CNTN4: variants seen among roughly 807,000 people sequenced by gnomAD.
CNTN4 encodes contactin-4.
A neutral mutation model predicts 122.5 loss-of-function variants in CNTN4; 77 were observed. The ratio of observed to expected loss-of-function variants is 0.63; its 90% CI spans 0.52 to 0.76. CNTN4 has a LOEUF of 0.76. Among genes scored for constraint, CNTN4 ranks in the 30% least tolerant of loss-of-function variants. The pLI is 0.00. For synonymous variants in CNTN4, 512 were observed against 447.0 expected, an observed-to-expected ratio of 1.15 and a Z score of -1.83; for missense variants, 1,256 against 1,259.1, an observed-to-expected ratio of 1.00 and a Z score of 0.04.
At chr3:2,910,813 G>A (rs187028946) in intron 12 of CNTN4, among the ~76,000 whole-genome samples, 2 of 152,196 alleles carry the variant, frequency 1.3e-5, no homozygotes, top group African/African-American at 4.8e-5. Flanking sequence ...AGATTTGGTA[G>A]TGGGGGGTGA....
intron 3 of CNTN4, among the ~76,000 whole-genome samples, chr3:2,525,890 A>G (rs911838138): frequency 3.9e-5 from 6 of 152,146 alleles, no homozygotes; most frequent in South Asian, 2.1e-4. Flanking sequence ...GCACAAACAC[A>G]TGCTTACATT....
chr3:2,144,139 C>T (rs1231610324), intron 2 of CNTN4: 1 of 152,216 alleles, frequency 6.6e-6, no homozygotes, highest in African/African-American at 2.4e-5. Context: ...CCTAGTAAGC[C>T]TTCATGATTT....
intron 14 of CNTN4, among the ~76,000 whole-genome samples, chr3:3,012,260 C>T (rs1388643460): frequency 6.6e-6 from 1 of 152,038 alleles, no homozygotes; most frequent in Non-Finnish European, 1.5e-5. Context: ...CTTAGGATGT[C>T]TGTATTCAAC....
rs11920024 is a variant in CNTN4 at position 2,129,711 on chromosome 3, C to A, written c.-145+29072C>A. On this transcript the variant is annotated intron_variant, in intron 2 of 24. Coordinates refer to ENST00000418658, the MANE Select transcript of CNTN4 (RefSeq NM_175607.3). Reference sequence around the variant, plus strand: ...ATTTTTTTTTGCATCTTCTGCTTGGCAGTTAACTTCATGACCTTGAACAAC... The same window carrying A: ...ATTTTTTTTTGCATCTTCTGCTTGGAAGTTAACTTCATGACCTTGAACAAC... Among the ~76,000 whole-genome samples, 1,069 of 151,642 alleles carry A rather than the reference C, an allele frequency of 7.0e-3. 17 individuals are homozygous for A. Among genetic ancestry groups the A allele is most frequent in the African/African-American group, 0.024 (1,007 of 41,358 alleles).
chr3:2,413,565 A>G (rs551390291), intron 3 of CNTN4, among the ~76,000 whole-genome samples: 1 of 150,592 alleles, frequency 6.6e-6, no homozygotes, highest in South Asian at 2.1e-4. Flanking sequence ...TTTTTTTGAG[A>G]CGGAGTCTCC....
At chr3:2,860,944 CA>C (rs1299049717) in intron 7 of CNTN4, among the ~76,000 whole-genome samples, 2 of 152,100 alleles carry the variant, frequency 1.3e-5, no homozygotes, top group Non-Finnish European at 1.5e-5. Context: ...CTTACTTTCT[CA>C]GGGAAATTTT....
At chr3:2,913,198 G>A (rs559842408) in intron 12 of CNTN4, among the ~76,000 whole-genome samples, 5 of 152,134 alleles carry the variant, frequency 3.3e-5, no homozygotes, top group African/African-American at 4.8e-5. Context: ...AATAAAAATC[G>A]AGGAATAAAA....
At chr3:2,325,900 A>C (rs972265267) in intron 2 of CNTN4, among the ~76,000 whole-genome samples, 7 of 152,222 alleles carry the variant, frequency 4.6e-5, no homozygotes, top group African/African-American at 1.7e-4. Context: ...TATCAACAAA[A>C]GTGATACTTA....
At chr3:2,182,227 C>G (rs2037045660) in intron 2 of CNTN4, among the ~76,000 whole-genome samples, 1 of 151,906 alleles carries the variant, frequency 6.6e-6, no homozygotes, top group African/African-American at 2.4e-5. Context: ...CTGTGCCTTG[C>G]TTTTTCTTTA....
chr3:2,299,731 A>G (rs1559429257), intron 2 of CNTN4, among the ~76,000 whole-genome samples: 1 of 152,140 alleles, frequency 6.6e-6, no homozygotes, highest in Non-Finnish European at 1.5e-5. Flanking sequence ...TAAAAACTTG[A>G]TTTACATGAT....
At chr3:2,672,490 C>T (rs534559628) in intron 4 of CNTN4, among the ~76,000 whole-genome samples, 5 of 152,246 alleles carry the variant, frequency 3.3e-5, no homozygotes, top group African/African-American at 4.8e-5. Flanking sequence ...GGGAGTGACC[C>T]GATTTTCCAG....
intron 7 of CNTN4, among the ~76,000 whole-genome samples, chr3:2,826,309 G>C (rs2092988162): frequency 6.6e-6 from 1 of 152,116 alleles, no homozygotes; most frequent in Non-Finnish European, 1.5e-5. Flanking sequence ...TGGAAAACTT[G>C]AGTCCCTGCA....
At chr3:2,308,966 T>C (rs1488675721) in intron 2 of CNTN4, among the ~76,000 whole-genome samples, 3 of 152,106 alleles carry the variant, frequency 2.0e-5, no homozygotes, top group Non-Finnish European at 2.9e-5. Context: ...TCTATACCTG[T>C]TTGCTGGTCT....
At chr3:2,180,567 T>C (rs2036970742) in intron 2 of CNTN4, among the ~76,000 whole-genome samples, 1 of 152,014 alleles carries the variant, frequency 6.6e-6, no homozygotes, top group Non-Finnish European at 1.5e-5. Flanking sequence ...AAGTTACTGA[T>C]TAGTTTGATT....
rs550883296 is a variant in CNTN4 at position 2,361,430 on chromosome 3, C to A, written c.-89+22197C>A. Among the ~76,000 whole-genome samples, 77 of 152,212 alleles carry A rather than the reference C, an allele frequency of 5.1e-4. 2 individuals are homozygous for A. Among genetic ancestry groups the A allele is most frequent in the Middle Eastern group, 3.4e-3 (1 of 294 alleles). ...GCTGCCAGGTATCCTGCTAAGCATCCCACAATGCAGAAGATGGCCTGTACA... is the reference window on the plus strand; with the variant it reads ...GCTGCCAGGTATCCTGCTAAGCATCACACAATGCAGAAGATGGCCTGTACA... On this transcript the variant is annotated intron_variant, in intron 3 of 24. Transcript: ENST00000418658.
intron 2 of CNTN4, among the ~76,000 whole-genome samples, chr3:2,201,983 AG>A (rs1257793753): frequency 1.5e-4 from 23 of 152,182 alleles, no homozygotes; most frequent in African/African-American, 5.6e-4. Flanking sequence ...TATATTAAAA[AG>A]GCTTAAATCT....
intron 2 of CNTN4, among the ~76,000 whole-genome samples, chr3:2,205,495 G>A (rs1456403042): frequency 6.6e-6 from 1 of 151,962 alleles, no homozygotes; most frequent in Admixed American, 6.6e-5. Flanking sequence ...CCCATGAACT[G>A]TAGGGACTTC....
chr3:2,438,204 C>A (rs2048320479), intron 3 of CNTN4, among the ~76,000 whole-genome samples: 1 of 152,128 alleles, frequency 6.6e-6, no homozygotes, highest in African/African-American at 2.4e-5. Flanking sequence ...GTAGAATTTT[C>A]AGGATATTCC....
Position 2,403,693 on chromosome 3 carries a change from A to T in CNTN4, c.-89+64460A>T, listed in dbSNP as rs576397028. On this transcript the variant is annotated intron_variant, in intron 3 of 24. Transcript: ENST00000418658. ...CTGCTGATTGTTTATATTTTTTTGA[A>T]CTACAAAGAACTTTCATTTACAGTA... is the stretch of plus-strand genomic sequence containing the variant. Among the ~76,000 whole-genome samples the T allele has an allele frequency of 2.6e-4, 40 of 152,304 alleles. No homozygotes were observed. The South Asian group carries it at 8.3e-3, about 32-fold the overall frequency.
Sources: gnomAD v4.1 joint callset for allele counts (sites outside exome capture counted in the v4.1 genomes callset) on GRCh38, gnomAD v4.1.1 for gene constraint, MANE v1.5 for transcripts, NCBI Gene and HGNC (gene_info 2026-07-23, HGNC 2026-07-21) for gene names.